GALNT13: variants seen among roughly 807,000 people sequenced by gnomAD.
GALNT13 encodes the protein UDP-GalNAc:polypeptide N-acetylgalactosaminyltransferase 13.
Under a neutral mutation model 64.2 loss-of-function variants are expected in GALNT13, and 28 were observed. The ratio of observed to expected loss-of-function variants is 0.44; its 90% confidence interval spans 0.32 to 0.60. The LOEUF is 0.60. Ranked by LOEUF, GALNT13 falls within the 20% of genes least tolerant of loss-of-function variation. The pLI is 0.05. For missense variants in GALNT13, 577 were observed against 669.8 expected, an observed-to-expected ratio of 0.86 and a Z score of 1.53; for synonymous variants, 214 against 224.6, an observed-to-expected ratio of 0.95 and a Z score of 0.42.
chr2:153,792,374 CTA>C, the GALNT13 span, among the ~76,000 whole-genome samples: 1 of 151,914 alleles, frequency 6.6e-6, no homozygotes, highest in Non-Finnish European at 1.5e-5. Context: ...TATAAATAAT[CTA>C]GAGGCTATTT....
the GALNT13 span, among the ~76,000 whole-genome samples, chr2:153,279,762 A>G: frequency 6.6e-6 from 1 of 152,068 alleles, no homozygotes; most frequent in Non-Finnish European, 1.5e-5. Context: ...TCAGTTTGCT[A>G]GCATTCTGTT....
At chr2:154,136,786 A>G (rs1682978403) in intron 3 of GALNT13, among the ~76,000 whole-genome samples, 1 of 152,170 alleles carries the variant, frequency 6.6e-6, no homozygotes, top group South Asian at 2.1e-4. Flanking sequence ...AAAATAGCTC[A>G]TAGCATAATA....
chr2:153,660,268 G>A, the GALNT13 span, among the ~76,000 whole-genome samples: 1 of 152,072 alleles, frequency 6.6e-6, no homozygotes, highest in Non-Finnish European at 1.5e-5. Context: ...TGACTGTCAA[G>A]GAGCCAGGCA....
intron 3 of GALNT13, among the ~76,000 whole-genome samples, chr2:154,121,939 A>T (rs1681967570): frequency 6.6e-6 from 1 of 152,070 alleles, no homozygotes; most frequent in South Asian, 2.1e-4. Context: ...TTGTGGAGGA[A>T]ACCTTCTAGT....
rs545231040 is a variant in GALNT13, at chr2:153,993,238, A to G, written c.142+48599A>G. Among the ~76,000 whole-genome samples the G allele has an allele frequency of 2.0e-5, 3 of 152,274 alleles. No individual in the cohort carries two copies. The South Asian group carries it at 6.2e-4, about 32-fold the overall frequency. On this transcript the variant is annotated intron_variant, in intron 3 of 12. Transcript: ENST00000392825. ...TGTGCTATATTTGACAACTTTAGATATTTACTATAAATTAAATATCAAGTT... is the reference window on the plus strand; with the variant it reads ...TGTGCTATATTTGACAACTTTAGATGTTTACTATAAATTAAATATCAAGTT...
chr2:153,491,590 T>C, the GALNT13 span, among the ~76,000 whole-genome samples: 1 of 140,428 alleles, frequency 7.1e-6, no homozygotes, highest in African/African-American at 2.8e-5. Context: ...ACCTAAACCA[T>C]ATTATATTTA....
intron 3 of GALNT13, among the ~76,000 whole-genome samples, chr2:154,046,611 A>G (rs562358201): frequency 1.6e-4 from 24 of 152,210 alleles, no homozygotes; most frequent in Admixed American, 1.0e-3. Flanking sequence ...AATTCATTTC[A>G]TGAAGCCCCA....
At chr2:154,276,232 T>C (rs1691646630) in intron 8 of GALNT13, among the ~76,000 whole-genome samples, 1 of 151,722 alleles carries the variant, frequency 6.6e-6, no homozygotes, top group Non-Finnish European at 1.5e-5. Context: ...TGTTTTCTCT[T>C]TTTTTTTGAT....
At chr2:153,936,801 A>G (rs561073014) in intron 2 of GALNT13, among the ~76,000 whole-genome samples, 3 of 151,156 alleles carry the variant, frequency 2.0e-5, no homozygotes, top group Non-Finnish European at 4.4e-5. Flanking sequence ...GCTCACTGCC[A>G]TCTCCACCTC....
intron 3 of GALNT13, among the ~76,000 whole-genome samples, chr2:154,106,067 G>A (rs1702598805): frequency 6.6e-6 from 1 of 152,102 alleles, no homozygotes. Flanking sequence ...ATCATTCTTT[G>A]TATATTTTGG....
At chr2:154,023,385 G>T (rs533027394) in intron 3 of GALNT13, among the ~76,000 whole-genome samples, 1 of 152,184 alleles carries the variant, frequency 6.6e-6, no homozygotes. Flanking sequence ...CCTGTATTGG[G>T]TATATGTATA....
the GALNT13 span, among the ~76,000 whole-genome samples, chr2:153,676,282 T>C: frequency 6.6e-6 from 1 of 152,066 alleles, no homozygotes; most frequent in African/African-American, 2.4e-5. Context: ...TATATATTCC[T>C]GGAAATATAC....
chr2:153,736,150 T>C, the GALNT13 span, among the ~76,000 whole-genome samples: 1 of 152,216 alleles, frequency 6.6e-6, no homozygotes, highest in Non-Finnish European at 1.5e-5. Flanking sequence ...ATTTCTTCAG[T>C]TGGCACTCCA....
chr2:154,209,137 AG>A (rs1687632149), intron 4 of GALNT13, among the ~76,000 whole-genome samples: 1 of 152,136 alleles, frequency 6.6e-6, no homozygotes. Context: ...TGTTTGTTAA[AG>A]TTCAGGGAAA....
chr2:153,660,536 G>A, the GALNT13 span, among the ~76,000 whole-genome samples: 1 of 149,552 alleles, frequency 6.7e-6, no homozygotes, highest in South Asian at 2.1e-4. Context: ...TAGGATTGGA[G>A]GACATATATA....
At chr2:153,198,680 T>G in the GALNT13 span, among the ~76,000 whole-genome samples, 10 of 152,346 alleles carry the variant, frequency 6.6e-5, no homozygotes. Context: ...CTCACTCTTT[T>G]GCCTTCTTTT....
the GALNT13 span, among the ~76,000 whole-genome samples, chr2:153,220,797 GA>G: frequency 6.6e-6 from 1 of 152,084 alleles, no homozygotes; most frequent in African/African-American, 2.4e-5. Context: ...GCAGAAAAGA[GA>G]AAAAATAATA....
the GALNT13 span, among the ~76,000 whole-genome samples, chr2:153,854,177 C>T: frequency 4.0e-5 from 6 of 151,788 alleles, no homozygotes; most frequent in African/African-American, 7.3e-5. Context: ...ATTAGAGATA[C>T]GTTGCTAGAT....
chr2:153,917,668 C>T (rs1464573690), intron 2 of GALNT13, among the ~76,000 whole-genome samples: 1 of 152,118 alleles, frequency 6.6e-6, no homozygotes, highest in South Asian at 2.1e-4. Context: ...TCTTAAAATT[C>T]TATCCAAATC....
Sources: gnomAD v4.1 joint callset for allele counts (sites outside exome capture counted in the v4.1 genomes callset) on GRCh38, gnomAD v4.1.1 for gene constraint, MANE v1.5 for transcripts, NCBI Gene and HGNC (gene_info 2026-07-23, HGNC 2026-07-21) for gene names.